Variants in GALNT13 observed in about 807,000 individuals in gnomAD.
GALNT13 encodes the protein UDP-GalNAc:polypeptide N-acetylgalactosaminyltransferase 13.
In GALNT13, 28 loss-of-function variants were observed where a neutral mutation model predicts 64.2. The ratio of observed to expected loss-of-function variants is 0.44; its 90% CI spans 0.32 to 0.60. The LOEUF (loss-of-function observed/expected upper bound fraction) is 0.60. GALNT13 is among the 20% of genes least tolerant of loss of function. The probability of loss-of-function intolerance (pLI) is 0.05; values close to 1 mark genes in which losing one functional copy is unlikely to be tolerated. For missense variants in GALNT13, 577 were observed against 669.8 expected (o/e 0.86, Z 1.53); for synonymous variants, 214 against 224.6 (o/e 0.95, Z 0.42).
At chr2:153,166,970 A>G in the GALNT13 span, among the ~76,000 whole-genome samples, 2 of 152,242 alleles carry the variant, frequency 1.3e-5, no homozygotes, top group African/African-American at 2.4e-5. Context: ...CAGGCTCAGT[A>G]TCAGCTCTGA....
At chr2:154,133,386 A>G (rs1199880589) in intron 3 of GALNT13, among the ~76,000 whole-genome samples, 3 of 151,752 alleles carry the variant, frequency 2.0e-5, no homozygotes, top group African/African-American at 7.3e-5. Context: ...CATTAAGTCC[A>G]TAGTGTCCAC....
chr2:153,725,720 A>C, the GALNT13 span, among the ~76,000 whole-genome samples: 5 of 152,070 alleles, frequency 3.3e-5, no homozygotes, highest in African/African-American at 1.2e-4. Flanking sequence ...GATGGATGCT[A>C]CTGGCAGCTG....
the GALNT13 span, among the ~76,000 whole-genome samples, chr2:153,181,026 G>GTTTTT: frequency 4.0e-5 from 1 of 24,782 alleles, no homozygotes; most frequent in Admixed American, 4.4e-4. Flanking sequence ...GGTTTTTATT[G>GTTTTT]TTTCTTTTTT....
chr2:154,307,792 TC>T (rs1693821874), intron 9 of GALNT13, among the ~76,000 whole-genome samples: 1 of 152,184 alleles, frequency 6.6e-6, no homozygotes, highest in South Asian at 2.1e-4. Context: ...TCCTAGCAAA[TC>T]CTTTGAAGTG....
chr2:153,832,815 C>CA, the GALNT13 span, among the ~76,000 whole-genome samples: 1 of 152,180 alleles, frequency 6.6e-6, no homozygotes, highest in Non-Finnish European at 1.5e-5. Flanking sequence ...TAAAGCCAGA[C>CA]AGTCTCTGTC....
the GALNT13 span, among the ~76,000 whole-genome samples, chr2:153,630,141 T>G: frequency 1.3e-5 from 2 of 151,390 alleles, no homozygotes; most frequent in Non-Finnish European, 2.9e-5. Context: ...AGCCATCCCA[T>G]TACTGGGTAT....
At chr2:153,542,359 C>A in the GALNT13 span, among the ~76,000 whole-genome samples, 354 of 55,614 alleles carry the variant, frequency 6.4e-3, 5 homozygotes, top group East Asian at 0.08. Flanking sequence ...CACACACACA[C>A]AAAAAAAAAA....
At chr2:153,325,755 C>A in the GALNT13 span, among the ~76,000 whole-genome samples, 1 of 152,118 alleles carries the variant, frequency 6.6e-6, no homozygotes, top group East Asian at 1.9e-4. Flanking sequence ...TTGTTATTTA[C>A]CCCGTAGTCA....
At chr2:153,772,557 T>C in the GALNT13 span, among the ~76,000 whole-genome samples, 1 of 152,224 alleles carries the variant, frequency 6.6e-6, no homozygotes, top group Non-Finnish European at 1.5e-5. Flanking sequence ...AATTCTCATT[T>C]TCCTTCTTGA....
intron 11 of GALNT13, among the ~76,000 whole-genome samples, chr2:154,430,539 C>T (rs1292943619): frequency 2.6e-5 from 4 of 152,152 alleles, no homozygotes; most frequent in African/African-American, 9.7e-5. Flanking sequence ...ATGGTGTCTA[C>T]TCCTATTGAA....
the GALNT13 span, among the ~76,000 whole-genome samples, chr2:153,073,222 C>T: frequency 1.1e-4 from 17 of 152,146 alleles, no homozygotes; most frequent in African/African-American, 4.1e-4. Context: ...AGTAAATTTT[C>T]AGGTTCTCAA....
chr2:153,874,858 C>G (rs1361458243), intron 1 of GALNT13, among the ~76,000 whole-genome samples: 1 of 152,072 alleles, frequency 6.6e-6, no homozygotes, highest in African/African-American at 2.4e-5. Context: ...TTCTTTAACA[C>G]AGTCATTGCA....
At chr2:153,362,008 C>G in the GALNT13 span, among the ~76,000 whole-genome samples, 3 of 152,332 alleles carry the variant, frequency 2.0e-5, no homozygotes, top group South Asian at 4.1e-4. Flanking sequence ...GCCCATCAGA[C>G]TAACAGCAGA....
At chr2:153,991,607 T>C (rs764814660) in intron 3 of GALNT13, among the ~76,000 whole-genome samples, 2 of 152,082 alleles carry the variant, frequency 1.3e-5, no homozygotes, top group Non-Finnish European at 2.9e-5. Context: ...ATGAACTTAG[T>C]GTAGGTATGG....
chr2:153,597,942 C>T, the GALNT13 span, among the ~76,000 whole-genome samples: 1 of 151,984 alleles, frequency 6.6e-6, no homozygotes, highest in African/African-American at 2.4e-5. Context: ...CAAGCATTGG[C>T]AAGGCTGTGG....
At chr2:153,497,683 G>A in the GALNT13 span, among the ~76,000 whole-genome samples, 5 of 151,640 alleles carry the variant, frequency 3.3e-5, no homozygotes, top group East Asian at 5.8e-4. Flanking sequence ...GATTATAGGC[G>A]CCCACCATCA....
At chr2:153,676,988 A>G in the GALNT13 span, among the ~76,000 whole-genome samples, 1 of 152,072 alleles carries the variant, frequency 6.6e-6, no homozygotes, top group African/African-American at 2.4e-5. Context: ...GGCCACTCTC[A>G]TCAGTCTTAT....
At chr2:153,956,050 G>A (rs764967859) in intron 3 of GALNT13, among the ~76,000 whole-genome samples, 9 of 152,164 alleles carry the variant, frequency 5.9e-5, no homozygotes, top group African/African-American at 2.2e-4. Flanking sequence ...AATGGAGTTG[G>A]GCAAGCACCT....
At chr2:153,261,713 G>A in the GALNT13 span, among the ~76,000 whole-genome samples, 3 of 151,382 alleles carry the variant, frequency 2.0e-5, no homozygotes, top group Non-Finnish European at 2.9e-5. Flanking sequence ...AAGGCCCAAG[G>A]GCTCTACAAT....
Sources: allele counts gnomAD v4.1 joint callset (sites outside exome capture counted in the v4.1 genomes callset), GRCh38; gene constraint gnomAD v4.1.1; transcripts MANE v1.5; gene names NCBI Gene and HGNC (gene_info 2026-07-23, HGNC 2026-07-21).